TNFRSF19: variants seen among roughly 807,000 people sequenced by gnomAD.
TNFRSF19 encodes TNF receptor superfamily member 19.
TNFRSF19 carries 27 observed loss-of-function variants against 46.4 expected under a neutral mutation model. That is an observed-to-expected ratio of 0.58 (90% CI 0.43 to 0.80). The LOEUF is 0.80. Ranked by LOEUF, TNFRSF19 falls within the 30% of genes least tolerant of loss-of-function variation. The pLI is 0.00. For missense variants in TNFRSF19, 511 were observed against 530.8 expected (o/e 0.96, Z 0.37); for synonymous variants, 204 against 205.0 (o/e 1.00, Z 0.04).
intron 9 of TNFRSF19, among the ~76,000 whole-genome samples, chr13:23,672,700 G>A (rs954736891): frequency 5.9e-5 from 9 of 152,162 alleles, no homozygotes; most frequent in Non-Finnish European, 1.5e-5. Context: ...GTAAGTTAGT[G>A]AAGGGTTAAT....
intron 1 of TNFRSF19, among the ~76,000 whole-genome samples, chr13:23,574,097 C>T (rs1293969802): frequency 5.3e-5 from 8 of 149,602 alleles, no homozygotes; most frequent in African/African-American, 1.7e-4. Context: ...CTATCTATAT[C>T]TTGTGTGAAA....
intron 3 of TNFRSF19, among the ~76,000 whole-genome samples, chr13:23,606,252 A>G (rs1324376804): frequency 6.6e-6 from 1 of 152,218 alleles, no homozygotes; most frequent in East Asian, 1.9e-4. Flanking sequence ...GGATTGAAAG[A>G]GCTGTCCCCC....
intron 1 of TNFRSF19, among the ~76,000 whole-genome samples, 175 bp downstream of exon 1, chr13:23,571,023 T>C (rs7995083): frequency 0.14 from 21,312 of 152,232 alleles, 1,829 homozygotes; most frequent in African/African-American, 0.23. Context: ...AGAGTAACTA[T>C]GGAACTTGAT....
chr13:23,661,553 A>T (rs6490813), intron 7 of TNFRSF19, among the ~76,000 whole-genome samples: 59,188 of 152,068 alleles, frequency 0.39, 11,654 homozygotes, highest in East Asian at 0.5. Context: ...TCTGGGTATA[A>T]ACCCAGTAAT....
intron 1 of TNFRSF19, among the ~76,000 whole-genome samples, chr13:23,587,346 C>A (rs1256511212): frequency 6.6e-6 from 1 of 152,088 alleles, no homozygotes; most frequent in Non-Finnish European, 1.5e-5. Flanking sequence ...ACACTTATAA[C>A]CCTCCACCAG....
intron 3 of TNFRSF19, among the ~76,000 whole-genome samples, chr13:23,601,454 T>C (rs1880160013): frequency 6.6e-6 from 1 of 152,194 alleles, no homozygotes; most frequent in South Asian, 2.1e-4. Context: ...TTGTTACCAG[T>C]AGACCTGCCA....
At chr13:23,622,849 A>C (rs1881758637) in intron 4 of TNFRSF19, among the ~76,000 whole-genome samples, 1 of 152,218 alleles carries the variant, frequency 6.6e-6, no homozygotes, top group South Asian at 2.1e-4. Flanking sequence ...AAAGATAAAA[A>C]GTATTAGTCT....
chr13:23,591,720 CTTTCTTTCT>C lies in TNFRSF19; in HGVS notation c.69+1472_69+1480del, dbSNP rs375940331. 3.2e-3 allele frequency among the ~76,000 whole-genome samples: 211 copies of C among 65,754 alleles called. 3 individuals carry two copies. The highest frequency in any genetic ancestry group is 8.7e-3 in the African/African-American group (142 of 16,372). 43.1% of individuals were successfully genotyped at this position (65,754 alleles called of 152,430 possible). Reference sequence around the variant, plus strand: ...CTTTATAGCCTTAAAAATTTTCTTTCTTTCTTTCTTTTTTTTTTTTTTTTGAGACGAAGT... The same window carrying C: ...CTTTATAGCCTTAAAAATTTTCTTTCTTTTTTTTTTTTTTTGAGACGAAGT... On this transcript the variant is annotated intron_variant, in intron 2 of 9. Coordinates refer to ENST00000248484, the MANE Select transcript of TNFRSF19 (RefSeq NM_148957.4).
intron 7 of TNFRSF19, among the ~76,000 whole-genome samples, chr13:23,660,846 C>A: frequency 6.6e-6 from 1 of 151,882 alleles, no homozygotes; most frequent in African/African-American, 2.4e-5. Context: ...CACTAATATG[C>A]CTATTTTAAA....
At chr13:23,633,273 T>G (rs188266076) in intron 5 of TNFRSF19, among the ~76,000 whole-genome samples, 16 of 152,300 alleles carry the variant, frequency 1.1e-4, no homozygotes, top group African/African-American at 3.1e-4. Context: ...CCAGCATGGC[T>G]GGCTAGTTTT....
At chr13:23,619,633 A>G (rs542292818) in intron 4 of TNFRSF19, among the ~76,000 whole-genome samples, 113 of 152,234 alleles carry the variant, frequency 7.4e-4, no homozygotes, top group African/African-American at 2.5e-3. Context: ...CAGAGTTTTG[A>G]TCTTGTGCAA....
At chr13:23,651,880 G>A (rs377117208) in intron 5 of TNFRSF19, among the ~76,000 whole-genome samples, 448 of 3,654 alleles carry the variant, frequency 0.12, no homozygotes, top group Non-Finnish European at 0.15. Flanking sequence ...TGGTTGGAAA[G>A]AACATAACAT....
At chr13:23,593,262 A>C in intron 2 of TNFRSF19, 83 bp from the exon 3 acceptor site, 1 of 721,036 alleles carries the variant, frequency 1.4e-6, no homozygotes, top group South Asian at 2.0e-5. Flanking sequence ...TGTGTGACTA[A>C]TATTGAAAAT....
At chr13:23,576,533 G>T (rs1172730813) in intron 1 of TNFRSF19, among the ~76,000 whole-genome samples, 1 of 152,098 alleles carries the variant, frequency 6.6e-6, no homozygotes, top group Non-Finnish European at 1.5e-5. Flanking sequence ...AGGGAAAGTG[G>T]GAACTATAGT....
chr13:23,572,980 A>C (rs900687468), intron 1 of TNFRSF19, among the ~76,000 whole-genome samples: 5 of 152,214 alleles, frequency 3.3e-5, no homozygotes, highest in Non-Finnish European at 5.9e-5. Flanking sequence ...ATATGACCTC[A>C]AGAGAGTTTC....
At chr13:23,635,726 G>T (rs1566201346) in intron 5 of TNFRSF19, among the ~76,000 whole-genome samples, 2 of 152,110 alleles carry the variant, frequency 1.3e-5, no homozygotes, top group African/African-American at 4.8e-5. Context: ...TTATCTCAGA[G>T]AAAATATTTT....
At chr13:23,571,581 T>C (rs1213829066) in intron 1 of TNFRSF19, among the ~76,000 whole-genome samples, 3 of 152,210 alleles carry the variant, frequency 2.0e-5, no homozygotes, top group Non-Finnish European at 4.4e-5. Flanking sequence ...TTTACATTTA[T>C]AGTGACAGCT....
intron 3 of TNFRSF19, among the ~76,000 whole-genome samples, chr13:23,595,343 A>G (rs1336813242): frequency 8.5e-5 from 13 of 152,214 alleles, no homozygotes; most frequent in African/African-American, 1.2e-4. Flanking sequence ...ACCCAATGCA[A>G]GGAAGCTAAG....
intron 5 of TNFRSF19, among the ~76,000 whole-genome samples, chr13:23,641,959 G>A (rs1416207609): frequency 6.6e-6 from 1 of 152,152 alleles, no homozygotes; most frequent in African/African-American, 2.4e-5. Flanking sequence ...CTAACATAAA[G>A]CCTATTTTAT....
Sources: allele counts gnomAD v4.1 joint callset (sites outside exome capture counted in the v4.1 genomes callset), GRCh38; gene constraint gnomAD v4.1.1; transcripts MANE v1.5; gene names NCBI Gene and HGNC (gene_info 2026-07-23, HGNC 2026-07-21).